Variants in MRC1 observed in about 807,000 individuals in gnomAD.
The protein encoded by MRC1 is macrophage mannose receptor 1.
MRC1 carries 62 observed loss-of-function variants against 102.9 expected under a neutral mutation model. The ratio of observed to expected loss-of-function variants is 0.60; its 90% CI spans 0.49 to 0.74. MRC1 has a LOEUF of 0.74. MRC1 is among the 30% of genes least tolerant of loss of function. The pLI, the probability that MRC1 is intolerant of heterozygous loss-of-function variation, is 0.00. For synonymous variants in MRC1, 457 were observed against 298.4 expected, an observed-to-expected ratio of 1.53 and a Z score of -5.48; for missense variants, 1,237 against 862.8, an observed-to-expected ratio of 1.43 and a Z score of -5.43.
chr10:17,904,555 A>T (rs1208508129), intron 26 of MRC1, among the ~76,000 whole-genome samples: 1 of 152,122 alleles, frequency 6.6e-6, no homozygotes, highest in Non-Finnish European at 1.5e-5. Context: ...TGGTAGTTTT[A>T]TCGTGATGTG....
rs1005917285 is a variant in MRC1 at position 17,906,364 on chromosome 10, G to A, written c.3800-522G>A. On this transcript the variant is annotated intron_variant, in intron 26 of 29. Transcript: ENST00000569591. ...ACTCCAGCCAAACCAAGCTATCTCT[G>A]TTCCTGAAGAAGTTCTATGCTTCCC... Among the ~76,000 whole-genome samples, 6 of 146,274 alleles carry A rather than the reference G, an allele frequency of 4.1e-5. No individual in the cohort carries two copies. In the Admixed American group the frequency reaches 4.2e-4, roughly 10 times the overall value.
Position 17,910,527 on chromosome 10 carries a change from T to C in MRC1, c.*62T>C, listed in dbSNP as rs917143258. The C allele has an allele frequency of 2.3e-5, 18 of 780,236 alleles. No individual in the cohort carries two copies. In the East Asian group the frequency reaches 4.4e-4, roughly 19 times the overall value. 48.3% of individuals were successfully genotyped at this position (780,236 alleles called of 1,614,324 possible). A position where few individuals can be genotyped will look rare whatever the true frequency, so the allele number is the denominator to read the frequency against. On this transcript the variant is annotated 3_prime_UTR_variant, in exon 30 of 30. Transcript: ENST00000569591. ...AAATTGTAACTGAAATTTAAAATTT[T>C]TAGTTCAATGTGATTGTTTTCTTTA...
intron 1 of MRC1, among the ~76,000 whole-genome samples, chr10:17,812,577 T>C (rs1838240451): frequency 6.9e-6 from 1 of 145,648 alleles, no homozygotes; most frequent in African/African-American, 2.6e-5. Context: ...CTTTTTTTTT[T>C]TTTTTTTTTT....
Position 17,885,383 on chromosome 10 carries a change from A to G in MRC1, c.3095A>G (p.Asn1032Ser), listed in dbSNP as rs1347402184. 2.0e-5 allele frequency: 16 copies of G among 780,720 alleles called. No homozygotes were observed. The East Asian group carries it at 3.6e-4, about 18-fold the overall frequency. 48.4% of individuals were successfully genotyped at this position (780,720 alleles called of 1,614,324 possible). Residue 1032 changes from asparagine to serine, a missense_variant, in exon 22 of 30, where the codon AAC becomes AGC. Asn to Ser is a conservative substitution (Grantham distance 46). Coordinates refer to ENST00000569591, the MANE Select transcript of MRC1 (RefSeq NM_002438.4). Reference sequence around the variant, plus strand: ...GATGGACGAGGAGTCCATTACACAAACTGGGGGAAAGGTTACCCTGGTGGA... The same window carrying G: ...GATGGACGAGGAGTCCATTACACAAGCTGGGGGAAAGGTTACCCTGGTGGA... The part of the protein sequence containing the change: ...WTDGRGVHYT[N>S]WGKGYPGGRR...
intron 3 of MRC1, among the ~76,000 whole-genome samples, chr10:17,832,646 G>C (rs1838593529): frequency 6.7e-6 from 1 of 149,406 alleles, no homozygotes; most frequent in Admixed American, 6.6e-5. Context: ...GGAGTGCAGT[G>C]ACGCGATCTC....
intron 5 of MRC1, among the ~76,000 whole-genome samples, chr10:17,842,252 C>G (rs998436019): frequency 1.3e-5 from 2 of 152,234 alleles, no homozygotes; most frequent in Non-Finnish European, 2.9e-5. Flanking sequence ...GCGTGAGCCA[C>G]TGCGCCTGGC....
intron 12 of MRC1, among the ~76,000 whole-genome samples, chr10:17,867,672 A>G (rs1326958670): frequency 1.3e-5 from 2 of 152,096 alleles, no homozygotes; most frequent in Non-Finnish European, 2.9e-5. Context: ...ATCCTCCCAC[A>G]TAGACTCCAA....
Position 17,885,349 on chromosome 10 carries a change from C to G in MRC1, c.3061C>G (p.Leu1021Val). The change falls in exon 22 of 30, where the codon CTT becomes GTT. Residue 1021 changes from leucine (L) to valine (V), a missense_variant. Transcript: ENST00000569591. Reference sequence around the variant, plus strand: ...TGATGTCAATTCAGAACACACGTTCCTTTGGACGGATGGACGAGGAGTCCA... The same window carrying G: ...TGATGTCAATTCAGAACACACGTTCGTTTGGACGGATGGACGAGGAGTCCA... The part of the protein sequence containing the change: ...LNDVNSEHTF[L>V]WTDGRGVHYT... 2 of 780,874 alleles carry G rather than the reference C, an allele frequency of 2.6e-6. No homozygotes were observed. Among genetic ancestry groups the G allele is most frequent in the Non-Finnish European group, 4.8e-6 (2 of 417,960 alleles). 48.4% of individuals were successfully genotyped at this position (780,874 alleles called of 1,614,324 possible). A position where few individuals can be genotyped will look rare whatever the true frequency, so the allele number is the denominator to read the frequency against.
intron 3 of MRC1, among the ~76,000 whole-genome samples, chr10:17,829,052 A>G (rs1838528156): frequency 6.6e-6 from 1 of 151,436 alleles, no homozygotes; most frequent in Non-Finnish European, 1.5e-5. Flanking sequence ...ACCAGATCAG[A>G]GTAGCTCTTG....
intron 6 of MRC1, among the ~76,000 whole-genome samples, chr10:17,846,776 G>A (rs1838831950): frequency 6.6e-6 from 1 of 152,000 alleles, no homozygotes; most frequent in South Asian, 2.1e-4. Context: ...TAATTTTATG[G>A]CTGTCCAAAA....
intron 2 of MRC1, among the ~76,000 whole-genome samples, chr10:17,826,395 G>T (rs1838476327): frequency 6.6e-6 from 1 of 152,068 alleles, no homozygotes; most frequent in African/African-American, 2.4e-5. Flanking sequence ...TGGAGACAGG[G>T]TTTCACCATT....
At chr10:17,882,993 A>G (rs1250502363) in intron 21 of MRC1, among the ~76,000 whole-genome samples, 1 of 152,210 alleles carries the variant, frequency 6.6e-6, no homozygotes, top group Non-Finnish European at 1.5e-5. Flanking sequence ...TTGAATTCTT[A>G]TTGTGGTTGT....
rs983864140 is a variant in MRC1 at position 17,910,473 on chromosome 10, A to G, written c.*8A>G. 4.6e-5 allele frequency: 36 copies of G among 780,802 alleles called. No individual in the cohort carries two copies. Among genetic ancestry groups the G allele is most frequent in the East Asian group, 9.7e-5 (4 of 41,250 alleles). 48.4% of individuals were successfully genotyped at this position (780,802 alleles called of 1,614,324 possible). On this transcript the variant is annotated 3_prime_UTR_variant, in exon 30 of 30. Coordinates refer to ENST00000569591, the MANE Select transcript of MRC1 (RefSeq NM_002438.4). ...GAACACTCGGTCATCTAGTACCTCA[A>G]TGCGATTCTGAGATATTTGAATTTC... is the stretch of plus-strand genomic sequence containing the variant.
chr10:17,866,874 CAT>C, intron 12 of MRC1, 113 bp downstream of exon 12: 1 of 736,074 alleles, frequency 1.4e-6, no homozygotes, highest in East Asian at 2.6e-5. Flanking sequence ...CAGACTCTAC[CAT>C]AGGTATTTAG....
At chr10:17,827,779 T>C in intron 3 of MRC1, 64 bp downstream of exon 3, 1 of 774,762 alleles carries the variant, frequency 1.3e-6, no homozygotes, top group South Asian at 1.3e-5. Context: ...GTGAAAGACC[T>C]TGAATTTATC....
intron 1 of MRC1, among the ~76,000 whole-genome samples, chr10:17,815,582 C>G (rs925260342): frequency 5.3e-5 from 8 of 152,028 alleles, no homozygotes; most frequent in Admixed American, 4.6e-4. Context: ...CGAATGGCCC[C>G]GGGAAGGTGT....
At chr10:17,834,425 G>C (rs1259151180) in intron 4 of MRC1, among the ~76,000 whole-genome samples, 3 of 151,918 alleles carry the variant, frequency 2.0e-5, no homozygotes, top group African/African-American at 7.2e-5. Flanking sequence ...GTTTTGTTTT[G>C]TTTTGAGACG....
intron 10 of MRC1, among the ~76,000 whole-genome samples, chr10:17,862,599 G>A (rs889626055): frequency 1.3e-5 from 2 of 152,106 alleles, no homozygotes; most frequent in Non-Finnish European, 2.9e-5. Context: ...TTCACTAACT[G>A]TTGTTAAATA....
At chr10:17,894,734 A>G (rs1453245980) in intron 23 of MRC1, among the ~76,000 whole-genome samples, 2 of 152,074 alleles carry the variant, frequency 1.3e-5, no homozygotes, top group Non-Finnish European at 2.9e-5. Flanking sequence ...TTTAAGTTCC[A>G]GGATACATGT....
Sources: allele counts gnomAD v4.1 joint callset (sites outside exome capture counted in the v4.1 genomes callset), GRCh38; gene constraint gnomAD v4.1.1; transcripts MANE v1.5; gene names NCBI Gene and HGNC (gene_info 2026-07-23, HGNC 2026-07-21).